Variants in DCP2 observed in about 807,000 individuals in gnomAD.
DCP2 encodes the protein decapping mRNA 2, also known as m7GpppN-mRNA hydrolase.
DCP2 carries 30 observed loss-of-function variants against 56.1 expected under a neutral mutation model. The observed-to-expected ratio is 0.53, with a 90% CI of 0.40 to 0.73. The LOEUF (loss-of-function observed/expected upper bound fraction) is 0.73. DCP2 is among the 30% of genes least tolerant of loss of function. The pLI is 0.00. For missense variants in DCP2, 533 were observed against 502.7 expected, an observed-to-expected ratio of 1.06 and a Z score of -0.58; for synonymous variants, 197 against 163.3, an observed-to-expected ratio of 1.21 and a Z score of -1.57.
Position 113,021,961 on chromosome 5 carries a change from A to G in DCP2, c.*8477A>G, listed in dbSNP as rs569955002. On this transcript the variant is annotated 3_prime_UTR_variant, in exon 11 of 11. Coordinates refer to ENST00000389063, the MANE Select transcript of DCP2 (RefSeq NM_152624.6). ...AGGGTTCTTTGGCCATTTTGATCTA[A>G]TAATAGTCTTACTTCTAGACCCCTG... The G allele has an allele frequency of 9.2e-5, 14 of 152,316 alleles. No individual in the cohort carries two copies. The highest frequency in any genetic ancestry group is 3.4e-4 in the African/African-American group (14 of 41,568). The allele number at this position is 152,316 out of a possible 1,614,324, so 9.4% of individuals were successfully genotyped here. A position where few individuals can be genotyped will look rare whatever the true frequency, so the allele number is the denominator to read the frequency against.
intron 4 of DCP2, among the ~76,000 whole-genome samples, chr5:113,000,147 A>AT (rs1749085170): frequency 6.6e-6 from 1 of 151,602 alleles, no homozygotes; most frequent in Admixed American, 6.6e-5. Flanking sequence ...TTTTGTATAG[A>AT]TGGAGTCCCA....
At chr5:112,997,613 C>T (rs1217834604) in intron 4 of DCP2, among the ~76,000 whole-genome samples, 26 of 140,874 alleles carry the variant, frequency 1.8e-4, no homozygotes, top group Non-Finnish European at 4.0e-4. Context: ...TTTTCTTTTT[C>T]TTTTTTTTTT....
rs1749893410 is a variant in DCP2, at chr5:113,016,532, G to C, written c.*3048G>C. ...AATTTTATGCTGTAAGATTGAATTG[G>C]TACTTTTCCTTATTAAGGCTTTAGT... On this transcript the variant is annotated 3_prime_UTR_variant, in exon 11 of 11. Transcript: ENST00000389063. 1 of 152,112 alleles carries C rather than the reference G, an allele frequency of 6.6e-6. No individual in the cohort carries two copies. The highest frequency in any genetic ancestry group is 1.5e-5 in the Non-Finnish European group (1 of 68,014). The allele number at this position is 152,112 out of a possible 1,614,324, so 9.4% of individuals were successfully genotyped here.
intron 9 of DCP2, among the ~76,000 whole-genome samples, chr5:113,009,969 A>G (rs543311261): frequency 1.3e-3 from 194 of 149,196 alleles, no homozygotes; most frequent in African/African-American, 4.6e-3. Flanking sequence ...CTAGAGTACA[A>G]TGGCACGTAC....
At chr5:113,008,188 C>T (rs549033153) in intron 9 of DCP2, 146 bp downstream of exon 9, 35 of 580,758 alleles carry the variant, frequency 6.0e-5, no homozygotes, top group African/African-American at 5.4e-4. Flanking sequence ...GACTTGTGCA[C>T]TATTCACACT....
Position 113,016,956 on chromosome 5 carries a change from C to G in DCP2, c.*3472C>G, listed in dbSNP as rs547767400. Reference sequence around the variant, plus strand: ...TCCCGGGTTCAAGTGATTCTCCTGCCTCAGCCTCCCAAGTAGCTGGGATTA... The same window carrying G: ...TCCCGGGTTCAAGTGATTCTCCTGCGTCAGCCTCCCAAGTAGCTGGGATTA... On this transcript the variant is annotated 3_prime_UTR_variant, in exon 11 of 11. Coordinates refer to ENST00000389063, the MANE Select transcript of DCP2 (RefSeq NM_152624.6). 6 of 152,108 alleles carry G rather than the reference C, an allele frequency of 3.9e-5. 1 individual carries two copies. Among genetic ancestry groups the G allele is most frequent in the African/African-American group, 1.4e-4 (6 of 41,390 alleles). 9.4% of individuals were successfully genotyped at this position (152,108 alleles called of 1,614,324 possible).
rs1749303982 is a variant in DCP2 at position 113,004,080 on chromosome 5, G to A, written c.942+3G>A. 6.2e-7 allele frequency: 1 copy of A among 1,612,340 alleles called. No homozygotes were observed. The highest frequency in any genetic ancestry group is 1.1e-5 in the South Asian group (1 of 90,396). ...TGTCTGACCTTTTAAAAGGAAAGGT[G>A]AGTGATACACAATTACAGTCTTTTC... On this transcript the variant is annotated splice_donor_region_variant and intron_variant, in intron 8 of 10. Coordinates refer to ENST00000389063, the MANE Select transcript of DCP2 (RefSeq NM_152624.6).
At chr5:113,010,730 T>C in intron 9 of DCP2, 26 bp from the exon 10 acceptor site, 1 of 1,485,384 alleles carries the variant, frequency 6.7e-7, no homozygotes, top group Non-Finnish European at 8.8e-7. Context: ...TGTGTGTGTG[T>C]GTGTGTTTTT....
At position 113,021,721 on chromosome 5, in the gene DCP2, T is replaced by C. The variant is rs1373530222; in HGVS notation, c.*8237T>C. On this transcript the variant is annotated 3_prime_UTR_variant, in exon 11 of 11. Transcript: ENST00000389063. ...TACTGTCAAAGTTACTTTGCTTCCATAGTGAAAACTTGAGAACATTGTAAT... is the reference window on the plus strand; with the variant it reads ...TACTGTCAAAGTTACTTTGCTTCCACAGTGAAAACTTGAGAACATTGTAAT... Among the ~76,000 whole-genome samples the C allele has an allele frequency of 1.3e-5, 2 of 152,142 alleles. No individual in the cohort carries two copies. The highest frequency in any genetic ancestry group is 4.8e-5 in the African/African-American group (2 of 41,402).
chr5:113,019,525 A>G lies in DCP2; in HGVS notation c.*6041A>G, dbSNP rs1350942662. 9 of 152,206 alleles carry G rather than the reference A, an allele frequency of 5.9e-5. No homozygotes were observed. The highest frequency in any genetic ancestry group is 5.9e-4 in the Admixed American group (9 of 15,278). The allele number at this position is 152,206 out of a possible 1,614,324, so 9.4% of individuals were successfully genotyped here. Reference sequence around the variant, plus strand: ...ATTTAATGTTAAATGCAAGTGTCCAAAGAAATGAGTCTTAAAGTTCTTTGG... The same window carrying G: ...ATTTAATGTTAAATGCAAGTGTCCAGAGAAATGAGTCTTAAAGTTCTTTGG... On this transcript the variant is annotated 3_prime_UTR_variant, in exon 11 of 11. Coordinates refer to ENST00000389063, the MANE Select transcript of DCP2 (RefSeq NM_152624.6).
intron 10 of DCP2, among the ~76,000 whole-genome samples, chr5:113,013,041 G>C (rs1749743008): frequency 6.6e-6 from 1 of 152,186 alleles, no homozygotes; most frequent in South Asian, 2.1e-4. Context: ...GCACATACAG[G>C]AGGTAAAGTT....
In DCP2 at chr5:112,985,949, A is replaced by G. The variant is rs780202226; in HGVS notation, c.168A>G (p.Gly56=). ...ATTTCTACATGCAGAACACACCAGG[A>G]TTACCTCAGTGTGGGATAAGAGACT... ...YLDFYMQNTP[G]LPQCGIRDFA... The change falls in exon 2 of 11, where the codon GGA becomes GGG. Residue 56 remains glycine, a synonymous_variant. Transcript: ENST00000389063. The G allele has an allele frequency of 1.7e-5, 27 of 1,592,740 alleles. No individual in the cohort carries two copies. Among genetic ancestry groups the G allele is most frequent in the African/African-American group, 2.7e-5 (2 of 74,744 alleles).
rs949357546 is a variant in DCP2, at chr5:113,018,316, A to G, written c.*4832A>G. ...GAGGTCTTGAGAATTGTTCATAATG[A>G]AATCTTTAATCTGGGTTATCAGAGT... On this transcript the variant is annotated 3_prime_UTR_variant, in exon 11 of 11. Coordinates refer to ENST00000389063, the MANE Select transcript of DCP2 (RefSeq NM_152624.6). 11 of 152,226 alleles carry G rather than the reference A, an allele frequency of 7.2e-5. No homozygotes were observed. The highest frequency in any genetic ancestry group is 2.9e-5 in the Non-Finnish European group (2 of 68,042). The allele number at this position is 152,226 out of a possible 1,614,324, so 9.4% of individuals were successfully genotyped here.
intron 2 of DCP2, 80 bp from the exon 3 acceptor site, chr5:112,992,041 G>T: frequency 6.5e-7 from 1 of 1,548,856 alleles, no homozygotes; most frequent in South Asian, 1.2e-5. Flanking sequence ...ATACACTATT[G>T]ATTTAAATGG....
intron 2 of DCP2, among the ~76,000 whole-genome samples, chr5:112,987,098 C>G (rs887105010): frequency 4.6e-5 from 7 of 152,016 alleles, no homozygotes; most frequent in East Asian, 1.9e-4. Flanking sequence ...ATAAAAGATT[C>G]ACATGAATAT....
Position 113,019,079 on chromosome 5 carries a change from G to A in DCP2, c.*5595G>A, listed in dbSNP as rs999621626. ...ACATCCTTAGTATAGTGGAATTTCT[G>A]AGGTCAAATTTAACATTTAATATAT... On this transcript the variant is annotated 3_prime_UTR_variant, in exon 11 of 11. Coordinates refer to ENST00000389063, the MANE Select transcript of DCP2 (RefSeq NM_152624.6). The A allele has an allele frequency of 1.2e-4, 18 of 152,172 alleles. 1 individual carries two copies. The highest frequency in any genetic ancestry group is 4.3e-4 in the African/African-American group (18 of 41,442). The allele number at this position is 152,172 out of a possible 1,614,324, so 9.4% of individuals were successfully genotyped here.
intron 2 of DCP2, among the ~76,000 whole-genome samples, chr5:112,991,096 A>G (rs555406351): frequency 1.3e-5 from 2 of 152,284 alleles, no homozygotes; most frequent in East Asian, 3.9e-4. Flanking sequence ...GCCTGTAGCA[A>G]TTAAAGTAGT....
At chr5:113,008,992 C>T (rs1171914888) in intron 9 of DCP2, among the ~76,000 whole-genome samples, 4 of 151,972 alleles carry the variant, frequency 2.6e-5, no homozygotes, top group South Asian at 2.1e-4. Context: ...TAGAGGTGTG[C>T]GCCACCACCC....
At chr5:113,002,023 C>T (rs923774013) in intron 7 of DCP2, among the ~76,000 whole-genome samples, 31 of 152,216 alleles carry the variant, frequency 2.0e-4, no homozygotes, top group East Asian at 7.7e-4. Flanking sequence ...TTTCTAAAGA[C>T]GTTTGGATGG....
Sources: allele counts gnomAD v4.1 joint callset (sites outside exome capture counted in the v4.1 genomes callset), GRCh38; gene constraint gnomAD v4.1.1; transcripts MANE v1.5; gene names NCBI Gene and HGNC (gene_info 2026-07-23, HGNC 2026-07-21).